The following PRIMA1 variants were observed in gnomAD, a reference collection of about 807,000 sequenced individuals.
The protein encoded by PRIMA1 is proline rich membrane anchor 1.
In PRIMA1, 7 loss-of-function variants were observed where a neutral mutation model predicts 17.5. The observed-to-expected ratio is 0.40, with a 90% CI of 0.23 to 0.75. PRIMA1 has a LOEUF of 0.75. Ranked by LOEUF, PRIMA1 falls within the 30% of genes least tolerant of loss-of-function variation. The pLI is 0.37. For missense variants in PRIMA1, 200 were observed against 201.8 expected, an observed-to-expected ratio of 0.99 and a Z score of 0.05; for synonymous variants, 97 against 77.9, an observed-to-expected ratio of 1.25 and a Z score of -1.29.
chr14:93,736,122 C>T (rs963565433), intron 4 of PRIMA1, among the ~76,000 whole-genome samples: 2 of 152,198 alleles, frequency 1.3e-5, no homozygotes, highest in Non-Finnish European at 2.9e-5. Flanking sequence ...GTCCCCTCTC[C>T]CACATCCCTG....
intron 4 of PRIMA1, among the ~76,000 whole-genome samples, chr14:93,727,813 T>C (rs2076088545): frequency 6.6e-6 from 1 of 152,222 alleles, no homozygotes; most frequent in South Asian, 2.1e-4. Context: ...CTTGTCTTGC[T>C]GTCACAAAAG....
intron 3 of PRIMA1, among the ~76,000 whole-genome samples, chr14:93,755,886 A>C (rs1340411583): frequency 6.6e-6 from 1 of 152,080 alleles, no homozygotes; most frequent in East Asian, 1.9e-4. Flanking sequence ...GAGGTGAGGA[A>C]GGGCTCGCCA....
chr14:93,729,482 C>T (rs1397105206), intron 4 of PRIMA1, among the ~76,000 whole-genome samples: 2 of 152,182 alleles, frequency 1.3e-5, no homozygotes, highest in Non-Finnish European at 2.9e-5. Flanking sequence ...CAGGAATGCA[C>T]CAAGATGCAT....
At position 93,779,219 on chromosome 14, in the gene PRIMA1, C is replaced by T. The variant is rs769268215; in HGVS notation, c.186G>A (p.Pro62=). The T allele has an allele frequency of 1.2e-4, 51 of 409,220 alleles. No homozygotes were observed. The highest frequency in any genetic ancestry group is 2.9e-4 in the African/African-American group (3 of 10,426). The allele number at this position is 409,220 out of a possible 1,614,324, so 25.3% of individuals were successfully genotyped here. A position where few individuals can be genotyped will look rare whatever the true frequency, so the allele number is the denominator to read the frequency against. Reference sequence around the variant, plus strand: ...TGGGAGGTGGCGGGGGTGGGGGCGGCGGGGGCAGCGGGGGAGGGGGCCGGC... The same window carrying T: ...TGGGAGGTGGCGGGGGTGGGGGCGGTGGGGGCAGCGGGGGAGGGGGCCGGC... ...CQCRPPPPLP[P]PPPPPPPPRL... The change falls in exon 3 of 5, where the codon CCG becomes CCA. Residue 62 remains proline, a synonymous_variant. Coordinates refer to ENST00000393140, the MANE Select transcript of PRIMA1 (RefSeq NM_178013.4).
rs559759055 is a variant in PRIMA1, at chr14:93,726,619, CAT to C, written c.360-5075_360-5074del. Reference sequence around the variant, plus strand: ...CAAACACACACATATATAATATACACATAGACACATGTACACATGCACAAATC... The same window carrying C: ...CAAACACACACATATATAATATACACAGACACATGTACACATGCACAAATC... On this transcript the variant is annotated intron_variant, in intron 4 of 4. Transcript: ENST00000393140. This position sits in a 1 kb window ranked among gnomAD's most constrained non-coding sequence, Gnocchi z 4.2. Among the ~76,000 whole-genome samples the C allele has an allele frequency of 1.6e-4, 24 of 152,100 alleles. No homozygotes were observed. The highest frequency in any genetic ancestry group is 9.6e-4 in the East Asian group (5 of 5,184).
At chr14:93,738,979 T>TGACA (rs2141162515) in intron 3 of PRIMA1, among the ~76,000 whole-genome samples, 1 of 152,390 alleles carries the variant, frequency 6.6e-6, no homozygotes, top group East Asian at 1.9e-4. Context: ...TTACTGTGTA[T>TGACA]TTCAGCAGCT....
rs2076020669 is a variant in PRIMA1 at position 93,719,045 on chromosome 14, G to A, written c.*2399C>T. The A allele has an allele frequency of 6.6e-6, 1 of 152,118 alleles. No individual in the cohort carries two copies. The highest frequency in any genetic ancestry group is 1.5e-5 in the Non-Finnish European group (1 of 68,032). The allele number at this position is 152,118 out of a possible 1,614,324, so 9.4% of individuals were successfully genotyped here. On this transcript the variant is annotated 3_prime_UTR_variant, in exon 5 of 5. Transcript: ENST00000393140. ...TGTGCCGTATACTTGTTTTTTGAAT[G>A]GGCGGTCTTGGGCTTGAGGTGGGGG...
intron 4 of PRIMA1, among the ~76,000 whole-genome samples, chr14:93,727,308 C>T (rs1010908628): frequency 1.3e-5 from 2 of 152,204 alleles, no homozygotes; most frequent in African/African-American, 4.8e-5. Flanking sequence ...TTCTCACAGG[C>T]GTGACTCTCT....
chr14:93,788,044 C>G (rs1179981207), intron 1 of PRIMA1, among the ~76,000 whole-genome samples: 1 of 152,180 alleles, frequency 6.6e-6, no homozygotes, highest in Non-Finnish European at 1.5e-5. Context: ...CAGAAACAGC[C>G]AAGCACACTT....
At chr14:93,775,920 C>T (rs551990255) in intron 3 of PRIMA1, among the ~76,000 whole-genome samples, 1 of 152,346 alleles carries the variant, frequency 6.6e-6, no homozygotes, top group Admixed American at 6.5e-5. Context: ...CCTGACCAAC[C>T]AGCATACTCT....
At chr14:93,748,060 G>A (rs1273444059) in intron 3 of PRIMA1, among the ~76,000 whole-genome samples, 1 of 151,898 alleles carries the variant, frequency 6.6e-6, no homozygotes, top group African/African-American at 2.4e-5. Flanking sequence ...GTGTGTATGT[G>A]AGTGTGAATG....
In PRIMA1 at chr14:93,736,201, C is replaced by T. The variant is rs537262122; in HGVS notation, c.359+1040G>A. 2.1e-4 allele frequency among the ~76,000 whole-genome samples: 32 copies of T among 152,316 alleles called. No individual in the cohort carries two copies. The South Asian group carries it at 6.6e-3, about 32-fold the overall frequency. On this transcript the variant is annotated intron_variant, in intron 4 of 4. Transcript: ENST00000393140. ...ACTGGAGTCGAACTCGTCAATAACC[C>T]TGAAACACGGTGTGTAGTCAGGGCT...
chr14:93,786,539 T>C (rs1885527107), intron 2 of PRIMA1, among the ~76,000 whole-genome samples: 2 of 152,108 alleles, frequency 1.3e-5, no homozygotes, highest in South Asian at 4.2e-4. Flanking sequence ...ATCCCTTTTT[T>C]TCCTGGTCTG....
At position 93,719,591 on chromosome 14, in the gene PRIMA1, G is replaced by C. The variant is rs1162076545; in HGVS notation, c.*1853C>G. ...TTGGGGGTTCAACAGGCACCAGAAG[G>C]CTGAAGGCAGTAGGGGAGAGTGCCC... On this transcript the variant is annotated 3_prime_UTR_variant, in exon 5 of 5. Coordinates refer to ENST00000393140, the MANE Select transcript of PRIMA1 (RefSeq NM_178013.4). 1 of 152,912 alleles carries C rather than the reference G, an allele frequency of 6.5e-6. No individual in the cohort carries two copies. The highest frequency in any genetic ancestry group is 1.5e-5 in the Non-Finnish European group (1 of 68,632). The allele number at this position is 152,912 out of a possible 1,614,324, so 9.5% of individuals were successfully genotyped here.
chr14:93,756,992 C>G lies in PRIMA1; in HGVS notation c.230-19622G>C, dbSNP rs182734715. Reference sequence around the variant, plus strand: ...TATTACATTCCCGCTCAGTGTCCTTCAAAGGCTTCTTACCAGAGATAGAAG... The same window carrying G: ...TATTACATTCCCGCTCAGTGTCCTTGAAAGGCTTCTTACCAGAGATAGAAG... On this transcript the variant is annotated intron_variant, in intron 3 of 4. Coordinates refer to ENST00000393140, the MANE Select transcript of PRIMA1 (RefSeq NM_178013.4). Among the ~76,000 whole-genome samples, 6 of 152,312 alleles carry G rather than the reference C, an allele frequency of 3.9e-5. No individual in the cohort carries two copies. In the East Asian group the frequency reaches 1.2e-3, roughly 29 times the overall value.
intron 3 of PRIMA1, among the ~76,000 whole-genome samples, chr14:93,777,355 G>C (rs1369272253): frequency 6.6e-6 from 1 of 151,240 alleles, no homozygotes; most frequent in Non-Finnish European, 1.5e-5. Context: ...CTTTTTTTTT[G>C]AGACGGAGTC....
rs748353542 is a variant in PRIMA1 at position 93,721,541 on chromosome 14, G to C, written c.365C>G (p.Pro122Arg). ...IICYKAIKRK[P>R]LRKDENGTSV... ...GGTGCCATTTTCGTCTTTTCTCAGT[G>C]GTTTCCTGGAAGTGGGGGGAGGGGA... is the stretch of plus-strand genomic sequence containing the variant. Residue 122 changes from proline to arginine, a missense_variant, in exon 5 of 5, where the codon CCA becomes CGA. Transcript: ENST00000393140. The C allele has an allele frequency of 5.6e-6, 9 of 1,611,834 alleles. No homozygotes were observed. Among genetic ancestry groups the C allele is most frequent in the Middle Eastern group, 1.7e-4 (1 of 6,054 alleles).
At chr14:93,728,884 G>A (rs1176735677) in intron 4 of PRIMA1, among the ~76,000 whole-genome samples, 1 of 152,220 alleles carries the variant, frequency 6.6e-6, no homozygotes, top group Non-Finnish European at 1.5e-5. Flanking sequence ...ACGGCAGGAT[G>A]GGATCTTATC....
intron 3 of PRIMA1, among the ~76,000 whole-genome samples, chr14:93,773,059 C>T (rs181501059): frequency 1.1e-3 from 168 of 152,318 alleles, no homozygotes; most frequent in African/African-American, 3.4e-3. Flanking sequence ...GAAATTGGGG[C>T]TCCAAGCAGT....
Sources: gnomAD v4.1 joint callset for allele counts (sites outside exome capture counted in the v4.1 genomes callset) on GRCh38, gnomAD v4.1.1 for gene constraint, Gnocchi (gnomAD v3.1) non-coding constraint, MANE v1.5 for transcripts, NCBI Gene and HGNC (gene_info 2026-07-23, HGNC 2026-07-21) for gene names.